SNTG2: variants seen among roughly 807,000 people sequenced by gnomAD.
The protein encoded by SNTG2 is syntrophin gamma 2.
A neutral mutation model predicts 70.9 loss-of-function variants in SNTG2; 74 were observed. The observed-to-expected ratio is 1.04, with a 90% CI of 0.86 to 1.27. The LOEUF (loss-of-function observed/expected upper bound fraction) is 1.27, where lower values mean the gene tolerates loss of function less well. Ranked by LOEUF, SNTG2 falls within the 50% of genes most tolerant of loss-of-function variation. SNTG2 has a pLI of 0.00. For synonymous variants in SNTG2, 278 were observed against 273.8 expected (o/e 1.02, Z -0.15); for missense variants, 717 against 690.7 (o/e 1.04, Z -0.43).
intron 4 of SNTG2, among the ~76,000 whole-genome samples, chr2:1,105,854 A>G (rs1456617762): frequency 1.3e-5 from 2 of 152,310 alleles, no homozygotes; most frequent in East Asian, 1.9e-4. Context: ...TGGCACCCCA[A>G]GTCTCCACCC....
intron 1 of SNTG2, among the ~76,000 whole-genome samples, chr2:968,696 A>C (rs1032943502): frequency 6.6e-6 from 1 of 152,058 alleles, no homozygotes. Flanking sequence ...CATGTCCTTT[A>C]ACCATTTTTT....
intron 1 of SNTG2, among the ~76,000 whole-genome samples, chr2:1,031,528 A>ATATATATATATATATATATTTTTTTTT: frequency 8.5e-5 from 5 of 59,114 alleles, no homozygotes; most frequent in Non-Finnish European, 1.3e-4. Context: ...ATATATATAT[A>ATATATATATATATATATATTTTTTTTT]TTTTTTTTTT....
intron 9 of SNTG2, among the ~76,000 whole-genome samples, chr2:1,221,445 CTCTGT>C (rs1674819148): frequency 5.7e-5 from 6 of 105,252 alleles, no homozygotes; most frequent in Admixed American, 1.7e-4. Context: ...CTGTCTCTGT[CTCTGT>C]CTCTCTCTGT....
intron 10 of SNTG2, among the ~76,000 whole-genome samples, chr2:1,238,806 G>T (rs1271509885): frequency 6.6e-6 from 1 of 152,214 alleles, no homozygotes; most frequent in Non-Finnish European, 1.5e-5. Flanking sequence ...GGCTGCAGAG[G>T]CTGGGTCCAG....
At chr2:1,050,149 C>T (rs1156446871) in intron 1 of SNTG2, among the ~76,000 whole-genome samples, 1 of 152,042 alleles carries the variant, frequency 6.6e-6, no homozygotes, top group South Asian at 2.1e-4. Context: ...TCTATGGGTT[C>T]CCTTTTACTC....
At chr2:1,348,230 T>C (rs1203662685) in intron 16 of SNTG2, among the ~76,000 whole-genome samples, 1 of 152,152 alleles carries the variant, frequency 6.6e-6, no homozygotes, top group African/African-American at 2.4e-5. Flanking sequence ...AAACCAAAAA[T>C]AAAATTCTAA....
chr2:1,146,879 G>A (rs945146204), intron 6 of SNTG2, among the ~76,000 whole-genome samples: 4 of 152,156 alleles, frequency 2.6e-5, no homozygotes, highest in Admixed American at 1.3e-4. Context: ...GGAGGACCAC[G>A]GGACCAGCTG....
At chr2:1,175,115 A>G (rs1423553657) in intron 8 of SNTG2, among the ~76,000 whole-genome samples, 1 of 152,162 alleles carries the variant, frequency 6.6e-6, no homozygotes, top group Non-Finnish European at 1.5e-5. Flanking sequence ...TTCACATTAG[A>G]TCTCTAAATC....
intron 1 of SNTG2, among the ~76,000 whole-genome samples, chr2:956,565 G>A (rs559714247): frequency 1.3e-5 from 2 of 152,312 alleles, no homozygotes; most frequent in South Asian, 4.1e-4. Flanking sequence ...TCCTGCGGAG[G>A]ACCCGCTCCC....
At chr2:1,360,138 T>C (rs560929869) in intron 16 of SNTG2, among the ~76,000 whole-genome samples, 1 of 152,316 alleles carries the variant, frequency 6.6e-6, no homozygotes. Context: ...AACACAAATA[T>C]AGTAGATTAG....
At chr2:1,109,468 T>C (rs1426543935) in intron 4 of SNTG2, among the ~76,000 whole-genome samples, 2 of 152,092 alleles carry the variant, frequency 1.3e-5, no homozygotes, top group Admixed American at 1.3e-4. Context: ...ATAACTTCCT[T>C]TTTCATTGGA....
At chr2:1,300,283 C>A (rs9326174) in intron 14 of SNTG2, among the ~76,000 whole-genome samples, 1 of 152,048 alleles carries the variant, frequency 6.6e-6, no homozygotes, top group Non-Finnish European at 1.5e-5. Flanking sequence ...GAAGTGCTGT[C>A]GAAAATCCTT....
intron 6 of SNTG2, among the ~76,000 whole-genome samples, chr2:1,162,703 A>C (rs1302394455): frequency 6.6e-6 from 1 of 152,134 alleles, no homozygotes; most frequent in Non-Finnish European, 1.5e-5. Flanking sequence ...TTATCAAAGG[A>C]GAGCCTCGGT....
At chr2:1,197,838 C>T (rs1673022721) in intron 8 of SNTG2, among the ~76,000 whole-genome samples, 1 of 152,080 alleles carries the variant, frequency 6.6e-6, no homozygotes, top group South Asian at 2.1e-4. Flanking sequence ...TGACCCAGAG[C>T]ACCCATAAAT....
At chr2:1,310,972 T>C (rs73179405) in intron 15 of SNTG2, among the ~76,000 whole-genome samples, 3,840 of 152,318 alleles carry the variant, frequency 0.025, 165 homozygotes, top group African/African-American at 0.088. Context: ...CGCATTTGTC[T>C]ACAGCCTGGA....
chr2:1,317,529 T>G (rs62105567), intron 16 of SNTG2, among the ~76,000 whole-genome samples: 183 of 37,160 alleles, frequency 4.9e-3, no homozygotes, highest in Middle Eastern at 0.056. Context: ...CTGGAGCATT[T>G]AGCATCAGGC....
intron 6 of SNTG2, among the ~76,000 whole-genome samples, chr2:1,151,317 G>A (rs1669481659): frequency 6.6e-6 from 1 of 152,270 alleles, no homozygotes; most frequent in South Asian, 2.1e-4. Context: ...TGCCTCCGGG[G>A]GGTGTCCCAC....
chr2:1,068,852 G>C (rs1390557411), intron 1 of SNTG2, among the ~76,000 whole-genome samples: 1 of 152,178 alleles, frequency 6.6e-6, no homozygotes, highest in African/African-American at 2.4e-5. Context: ...AGGACATTCA[G>C]CTTTCTAATC....
At chr2:1,191,543 C>T (rs187032234) in intron 8 of SNTG2, among the ~76,000 whole-genome samples, 229 of 152,252 alleles carry the variant, frequency 1.5e-3, no homozygotes, top group Non-Finnish European at 2.6e-3. Context: ...CACCTGTAAT[C>T]CCAGCACTTT....
Sources: allele counts gnomAD v4.1 joint callset (sites outside exome capture counted in the v4.1 genomes callset), GRCh38; gene constraint gnomAD v4.1.1; transcripts MANE v1.5; gene names NCBI Gene and HGNC (gene_info 2026-07-23, HGNC 2026-07-21).